CFAP70: variants seen among roughly 807,000 people sequenced by gnomAD.
CFAP70 encodes cilia and flagella associated protein 70, also known as cilia- and flagella-associated protein 70.
Under a neutral mutation model 137.6 loss-of-function variants are expected in CFAP70, and 81 were observed. The ratio of observed to expected loss-of-function variants is 0.59; its 90% confidence interval spans 0.49 to 0.71. The LOEUF (loss-of-function observed/expected upper bound fraction) is 0.71, where lower values mean the gene tolerates loss of function less well. Ranked by LOEUF, CFAP70 falls within the 30% of genes least tolerant of loss-of-function variation. The pLI is 0.00. For synonymous variants in CFAP70, 382 were observed against 423.6 expected (o/e 0.90, Z 1.20); for missense variants, 976 against 1,226.7 (o/e 0.80, Z 3.05).
intron 24 of CFAP70, among the ~76,000 whole-genome samples, chr10:73,270,342 T>C (rs2046148304): frequency 6.6e-6 from 1 of 152,120 alleles, no homozygotes; most frequent in East Asian, 1.9e-4. Context: ...TTGTAAAACA[T>C]TCCAAAAGGC....
At chr10:73,331,208 A>C in exon 8 of CFAP70, 1 of 1,613,388 alleles carries the variant, frequency 6.2e-7, no homozygotes, top group Non-Finnish European at 8.5e-7. Context: ...CCCTTTGGGT[A>C]TAGTGACCAG....
At chr10:73,294,130 T>C (rs2131934844) in intron 15 of CFAP70, 1 of 152,290 alleles carries the variant, frequency 6.6e-6, no homozygotes, top group East Asian at 1.9e-4. Context: ...TTCTGATCAT[T>C]GATTAATACT....
At chr10:73,310,236 G>A (rs752994609) in exon 12 of CFAP70, 1 of 1,609,824 alleles carries the variant, frequency 6.2e-7, no homozygotes. Flanking sequence ...GTATGTCCCT[G>A]CTTCTACATA....
exon 21 of CFAP70, chr10:73,277,328 A>C: frequency 1.2e-6 from 2 of 1,614,122 alleles, no homozygotes; most frequent in Middle Eastern, 1.6e-4. Flanking sequence ...GCCGGGATGC[A>C]GAAGAGCTGA....
chr10:73,276,175 T>C (rs2046724112), intron 21 of CFAP70: 1 of 152,058 alleles, frequency 6.6e-6, no homozygotes, highest in African/African-American at 2.4e-5. Context: ...TGCAGCCTTC[T>C]GGCCTCAAGC....
At chr10:73,264,412 A>AT (rs2045565293) in intron 25 of CFAP70, among the ~76,000 whole-genome samples, 1 of 152,212 alleles carries the variant, frequency 6.6e-6, no homozygotes, top group Non-Finnish European at 1.5e-5. Flanking sequence ...CTATATACCT[A>AT]TTTATACCTG....
At position 73,310,243 on chromosome 10, in the gene CFAP70, CA is replaced by C; in HGVS notation, c.1170del (p.Tyr390Ter). ...AACACAATGTATGTCCCTGCTTCTA[CA>C]TATTGCTGTAAAGACATTGTTTTCT... On this transcript the variant is annotated frameshift_variant, in exon 12 of 27. Coordinates refer to ENST00000310715, the Ensembl canonical transcript of CFAP70. LOFTEE classifies it high-confidence loss of function. 6.2e-7 allele frequency: 1 copy of C among 1,606,464 alleles called. No homozygotes were observed. Among genetic ancestry groups the C allele is most frequent in the Non-Finnish European group, 8.5e-7 (1 of 1,176,464 alleles).
Position 73,336,132 on chromosome 10 carries a change from C to T in CFAP70, c.583-608G>A, listed in dbSNP as rs138043320. Among the ~76,000 whole-genome samples the T allele has an allele frequency of 1.8e-4, 26 of 147,624 alleles. 1 individual carries two copies. The highest frequency in any genetic ancestry group is 6.6e-4 in the African/African-American group (26 of 39,136). ...GCATTCCAGCCTGGGTGACAGAGAC[C>T]CTGTCTCAAAAAAAAAAAAAGGAAA... On this transcript the variant is annotated intron_variant, in intron 6 of 26. Coordinates refer to ENST00000310715, the Ensembl canonical transcript of CFAP70.
intron 7 of CFAP70, among the ~76,000 whole-genome samples, chr10:73,332,954 T>C (rs780919038): frequency 6.6e-6 from 1 of 152,152 alleles, no homozygotes; most frequent in Non-Finnish European, 1.5e-5. Flanking sequence ...AGATATGACA[T>C]AGATTTTGGA....
chr10:73,298,224 C>A (rs2048686125), intron 14 of CFAP70, among the ~76,000 whole-genome samples: 1 of 152,202 alleles, frequency 6.6e-6, no homozygotes, highest in African/African-American at 2.4e-5. Flanking sequence ...AAATGAGCAA[C>A]ACCTACTTTA....
At chr10:73,337,669 C>T (rs2052804464) in intron 6 of CFAP70, among the ~76,000 whole-genome samples, 1 of 152,122 alleles carries the variant, frequency 6.6e-6, no homozygotes, top group African/African-American at 2.4e-5. Flanking sequence ...CTTTGGGAGG[C>T]CGAGGCAGGC....
intron 1 of CFAP70, among the ~76,000 whole-genome samples, chr10:73,358,410 G>C (rs1417134687): frequency 1.3e-5 from 2 of 152,248 alleles, no homozygotes; most frequent in East Asian, 1.9e-4. Flanking sequence ...AAGGTTAGAC[G>C]AAGGAGGCGA....
chr10:73,348,058 C>T lies in CFAP70; in HGVS notation c.349+365G>A, dbSNP rs1387153937. On this transcript the variant is annotated intron_variant, in intron 4 of 26. Transcript: ENST00000310715. ...CTAAGTGTGCTGTGAAAAGAAAATGCCCAATGCATTACACTCAACTGAATT... is the reference window on the plus strand; with the variant it reads ...CTAAGTGTGCTGTGAAAAGAAAATGTCCAATGCATTACACTCAACTGAATT... The T allele has an allele frequency of 1.1e-5, 11 of 1,037,102 alleles. No individual in the cohort carries two copies. The South Asian group carries it at 1.5e-4, about 14-fold the overall frequency. The allele number at this position is 1,037,102 out of a possible 1,614,324, so 64.2% of individuals were successfully genotyped here. A position where few individuals can be genotyped will look rare whatever the true frequency, so the allele number is the denominator to read the frequency against.
rs112831104 is a variant in CFAP70, at chr10:73,290,979, T to A, written c.2239+247A>T. On this transcript the variant is annotated intron_variant, in intron 19 of 26. Coordinates refer to ENST00000310715, the Ensembl canonical transcript of CFAP70. ...AAATATTTACTGAGTGCCTACCATGTGCCAGCTTCTGTTCTTAGGGCCAGT... is the reference window on the plus strand; with the variant it reads ...AAATATTTACTGAGTGCCTACCATGAGCCAGCTTCTGTTCTTAGGGCCAGT... Among the ~76,000 whole-genome samples, 424 of 152,330 alleles carry A rather than the reference T, an allele frequency of 2.8e-3. 1 individual carries two copies. The highest frequency in any genetic ancestry group is 4.2e-3 in the Non-Finnish European group (283 of 68,028).
Position 73,275,922 on chromosome 10 carries a change from C to T in CFAP70, c.2521-324G>A, listed in dbSNP as rs371807827. 1 of 172,326 alleles carries T rather than the reference C, an allele frequency of 5.8e-6. No individual in the cohort carries two copies. The highest frequency in any genetic ancestry group is 2.4e-5 in the African/African-American group (1 of 42,232). The allele number at this position is 172,326 out of a possible 1,614,324, so 10.7% of individuals were successfully genotyped here. On this transcript the variant is annotated intron_variant, in intron 21 of 26. Coordinates refer to ENST00000310715, the Ensembl canonical transcript of CFAP70. The surrounding 1 kb of genome is among the most constrained non-coding windows in gnomAD (Gnocchi z 4.0). ...CAGACAAAGGCACATCATCAACCAC[C>T]CCATTTACAAAGGAGGTAACATTTT...
At chr10:73,304,142 C>T (rs182616340) in intron 12 of CFAP70, among the ~76,000 whole-genome samples, 50 of 152,124 alleles carry the variant, frequency 3.3e-4, no homozygotes, top group African/African-American at 1.0e-3. Flanking sequence ...CTGCAACCTC[C>T]ACCTCCTGGG....
chr10:73,333,482 C>CA lies in CFAP70; in HGVS notation c.677+1947dup, dbSNP rs540833922. Among the ~76,000 whole-genome samples the CA allele has an allele frequency of 8.6e-3, 1,234 of 143,732 alleles. 15 individuals carry two copies. Among genetic ancestry groups the CA allele is most frequent in the African/African-American group, 0.029 (1,145 of 39,418 alleles). The allele number at this position is 143,732 out of a possible 152,430, so 94.3% of individuals were successfully genotyped here. On this transcript the variant is annotated intron_variant, in intron 7 of 26. Transcript: ENST00000310715. ...ATCTAGGCATATCATTTTCAAACTGCAAAAAAAAAAATCTTGAAAAAACCA... is the reference window on the plus strand; with the variant it reads ...ATCTAGGCATATCATTTTCAAACTGCAAAAAAAAAAAATCTTGAAAAAACCA...
chr10:73,284,353 A>C (rs1023782967), intron 19 of CFAP70, among the ~76,000 whole-genome samples: 3 of 152,054 alleles, frequency 2.0e-5, no homozygotes, highest in Non-Finnish European at 2.9e-5. Flanking sequence ...CATTGGACCT[A>C]CCCAGACAAT....
rs2044500311 is a variant in CFAP70 at position 73,256,430 on chromosome 10, A to G, written c.3028-14T>C. 2 of 1,613,950 alleles carry G rather than the reference A, an allele frequency of 1.2e-6. No individual in the cohort carries two copies. Among genetic ancestry groups the G allele is most frequent in the Non-Finnish European group, 1.7e-6 (2 of 1,179,986 alleles). On this transcript the variant is annotated splice_polypyrimidine_tract_variant and intron_variant, in intron 25 of 26. Coordinates refer to ENST00000310715, the Ensembl canonical transcript of CFAP70. Reference sequence around the variant, plus strand: ...TTGCCGTCCAACCTGAAAAAAGTGCAGCAGTTGGTGATGATGACAGGTCAT... The same window carrying G: ...TTGCCGTCCAACCTGAAAAAAGTGCGGCAGTTGGTGATGATGACAGGTCAT...
Sources: allele counts gnomAD v4.1 joint callset (sites outside exome capture counted in the v4.1 genomes callset), GRCh38; gene constraint gnomAD v4.1.1; non-coding constraint Gnocchi (gnomAD v3.1); transcripts MANE v1.5; gene names NCBI Gene and HGNC (gene_info 2026-07-23, HGNC 2026-07-21).